The following SMARCC1 variants were observed in gnomAD, a reference collection of about 807,000 sequenced individuals.
The protein encoded by SMARCC1 is SWI/SNF related BAF chromatin remodeling complex subunit C1, also known as SWI/SNF complex subunit SMARCC1.
A neutral mutation model predicts 147.4 loss-of-function variants in SMARCC1; 43 were observed. That is an observed-to-expected ratio of 0.29 (90% CI 0.23 to 0.38). SMARCC1 has a LOEUF of 0.38. SMARCC1 is among the 10% of genes least tolerant of loss of function. The probability of loss-of-function intolerance (pLI) is 1.00; values close to 1 mark genes in which losing one functional copy is unlikely to be tolerated. For synonymous variants in SMARCC1, 495 were observed against 484.4 expected (o/e 1.02, Z -0.29); for missense variants, 1,119 against 1,381.1 (o/e 0.81, Z 3.01).
chr3:47,666,108 A>T (rs903204967), intron 19 of SMARCC1, among the ~76,000 whole-genome samples: 1 of 152,108 alleles, frequency 6.6e-6, no homozygotes, highest in African/African-American at 2.4e-5. Context: ...GACACTGCCT[A>T]CTTCTCCCGC....
intron 27 of SMARCC1, among the ~76,000 whole-genome samples, chr3:47,589,836 C>A (rs1238142725): frequency 6.6e-6 from 1 of 152,226 alleles, no homozygotes; most frequent in Non-Finnish European, 1.5e-5. Flanking sequence ...TCCTACAGAG[C>A]AAGAATTCTT....
rs544492013 is a variant in SMARCC1 at position 47,729,387 on chromosome 3, T to C, written c.577-293A>G. On this transcript the variant is annotated intron_variant, in intron 5 of 27. Transcript: ENST00000254480. ...ATATCAGTAATATGGGTACTACTAATTCTTTTTTTTCCTGAAATGGAGTCT... is the reference window on the plus strand; with the variant it reads ...ATATCAGTAATATGGGTACTACTAACTCTTTTTTTTCCTGAAATGGAGTCT... 1.4e-3 allele frequency among the ~76,000 whole-genome samples: 206 copies of C among 152,288 alleles called. No homozygotes were observed. The Middle Eastern group carries it at 0.02, about 15-fold the overall frequency.
chr3:47,673,515 CCT>C (rs1471741515), intron 18 of SMARCC1, among the ~76,000 whole-genome samples: 1 of 150,956 alleles, frequency 6.6e-6, no homozygotes, highest in Non-Finnish European at 1.5e-5. Flanking sequence ...ATGGAGAAAC[CCT>C]GTCTCTACTA....
At chr3:47,596,262 A>G (rs2032280118) in intron 26 of SMARCC1, among the ~76,000 whole-genome samples, 1 of 152,182 alleles carries the variant, frequency 6.6e-6, no homozygotes, top group Non-Finnish European at 1.5e-5. Flanking sequence ...GCAATTTTTT[A>G]GAAAATGTTT....
At chr3:47,590,535 C>T in intron 27 of SMARCC1, 126 bp downstream of exon 27, 1 of 736,974 alleles carries the variant, frequency 1.4e-6, no homozygotes, top group Non-Finnish European at 2.0e-6. Flanking sequence ...TTTGAGAAGC[C>T]ACTGTCACAG....
At chr3:47,717,751 G>C (rs2106806204) in intron 7 of SMARCC1, among the ~76,000 whole-genome samples, 1 of 151,996 alleles carries the variant, frequency 6.6e-6, no homozygotes, top group South Asian at 2.1e-4. Flanking sequence ...ATTTTTTGTA[G>C]AGACAAGGTT....
intron 25 of SMARCC1, among the ~76,000 whole-genome samples, chr3:47,620,634 C>T (rs1477289755): frequency 6.6e-6 from 1 of 152,024 alleles, no homozygotes; most frequent in Non-Finnish European, 1.5e-5. Flanking sequence ...CTCTTGGTCC[C>T]GTTTGGCCCA....
chr3:47,661,995 CTTTT>C (rs11336122), intron 20 of SMARCC1, among the ~76,000 whole-genome samples: 2 of 142,426 alleles, frequency 1.4e-5, no homozygotes, highest in Non-Finnish European at 1.5e-5. Context: ...TTTTGTAATA[CTTTT>C]TTTTTTTTTT....
rs575605889 is a variant in SMARCC1 at position 47,747,591 on chromosome 3, G to A, written c.316-1598C>T. Among the ~76,000 whole-genome samples the A allele has an allele frequency of 4.7e-5, 7 of 149,392 alleles. No homozygotes were observed. In the South Asian group the frequency reaches 1.3e-3, roughly 28 times the overall value. Reference sequence around the variant, plus strand: ...AGTCAAGCTGTAGTGAACTGTGATGGTGACAAATCCAGCCTGGGTGACAGA... The same window carrying A: ...AGTCAAGCTGTAGTGAACTGTGATGATGACAAATCCAGCCTGGGTGACAGA... On this transcript the variant is annotated intron_variant, in intron 2 of 27. Transcript: ENST00000254480.
chr3:47,716,658 T>C (rs1445184641), intron 7 of SMARCC1, among the ~76,000 whole-genome samples: 1 of 152,242 alleles, frequency 6.6e-6, no homozygotes, highest in Non-Finnish European at 1.5e-5. Flanking sequence ...TCTATACTTA[T>C]GTAGCTTGTC....
intron 24 of SMARCC1, among the ~76,000 whole-genome samples, chr3:47,623,884 A>ATTT (rs34106939): frequency 1.3e-4 from 19 of 145,632 alleles, no homozygotes; most frequent in Non-Finnish European, 2.4e-4. Flanking sequence ...TGTTTCTGGT[A>ATTT]TTTTTTTTTT....
intron 26 of SMARCC1, chr3:47,604,144 C>A (rs1262245511): frequency 6.6e-6 from 3 of 456,720 alleles, no homozygotes; most frequent in Admixed American, 2.3e-5. Context: ...ACCTAGAAGT[C>A]CGTAAGTGTT....
At chr3:47,756,313 C>T (rs2034697049) in intron 2 of SMARCC1, among the ~76,000 whole-genome samples, 1 of 151,914 alleles carries the variant, frequency 6.6e-6, no homozygotes, top group African/African-American at 2.4e-5. Flanking sequence ...GCGAGCAGAT[C>T]ACCTGAGGTC....
intron 21 of SMARCC1, among the ~76,000 whole-genome samples, chr3:47,642,466 A>C (rs149550935): frequency 0.012 from 1,753 of 152,020 alleles, 34 homozygotes; most frequent in African/African-American, 0.04. Flanking sequence ...GGCGCATGCT[A>C]GTAATCCCAG....
At chr3:47,740,850 C>CAAAA (rs60339024) in intron 3 of SMARCC1, among the ~76,000 whole-genome samples, 13 of 77,844 alleles carry the variant, frequency 1.7e-4, no homozygotes, top group African/African-American at 4.4e-4. Flanking sequence ...GACTCTGACT[C>CAAAA]AAAAAAAAAA....
At chr3:47,741,072 G>C (rs1164062690) in intron 3 of SMARCC1, among the ~76,000 whole-genome samples, 3 of 151,872 alleles carry the variant, frequency 2.0e-5, no homozygotes, top group Non-Finnish European at 4.4e-5. Flanking sequence ...ATCAGACTAA[G>C]CTTCTACCAC....
intron 21 of SMARCC1, among the ~76,000 whole-genome samples, chr3:47,650,924 T>C (rs1044521754): frequency 3.9e-5 from 6 of 152,188 alleles, no homozygotes; most frequent in Non-Finnish European, 5.9e-5. Context: ...AAATCAAATA[T>C]GTTATCTGCA....
intron 26 of SMARCC1, 32 bp downstream of exon 26, chr3:47,610,019 TCTGTAGTGACCATAA>T: frequency 6.2e-7 from 1 of 1,601,278 alleles, no homozygotes; most frequent in Non-Finnish European, 8.5e-7. Flanking sequence ...GCTCTGTGCC[TCTGTAGTGACCATAA>T]GCTTTTTCCA....
intron 26 of SMARCC1, among the ~76,000 whole-genome samples, chr3:47,600,997 ATGAGAGAGAG>A (rs2032373283): frequency 3.5e-5 from 1 of 28,954 alleles, no homozygotes; most frequent in Non-Finnish European, 6.9e-5. Flanking sequence ...GAGGAAGAAA[ATGAGAGAGAG>A]AGAGAGAGAG....
Sources: gnomAD v4.1 joint callset for allele counts (sites outside exome capture counted in the v4.1 genomes callset) on GRCh38, gnomAD v4.1.1 for gene constraint, MANE v1.5 for transcripts, NCBI Gene and HGNC (gene_info 2026-07-23, HGNC 2026-07-21) for gene names.